Variants in RAD51B observed in about 807,000 individuals in gnomAD.
RAD51B encodes DNA repair protein RAD51 homolog 2.
A neutral mutation model predicts 42.2 loss-of-function variants in RAD51B; 38 were observed. The observed-to-expected ratio is 0.90, with a 90% confidence interval of 0.70 to 1.18. The LOEUF (loss-of-function observed/expected upper bound fraction) is 1.18, where lower values mean the gene tolerates loss of function less well. RAD51B is among the 50% of genes most tolerant of loss of function. The pLI is 0.00. For missense variants in RAD51B, 373 were observed against 400.7 expected, an observed-to-expected ratio of 0.93 and a Z score of 0.59; for synonymous variants, 154 against 145.2, an observed-to-expected ratio of 1.06 and a Z score of -0.43.
chr14:68,503,963 G>A (rs147422851), intron 10 of RAD51B, among the ~76,000 whole-genome samples: 1 of 152,196 alleles, frequency 6.6e-6, no homozygotes, highest in African/African-American at 2.4e-5. Context: ...AAACAGAGTC[G>A]GTAGATAATA....
At chr14:68,146,244 G>GT (rs1436579921) in intron 7 of RAD51B, among the ~76,000 whole-genome samples, 1 of 152,174 alleles carries the variant, frequency 6.6e-6, no homozygotes, top group African/African-American at 2.4e-5. Context: ...GAGCTCAGGA[G>GT]TTTGAGACCA....
chr14:68,269,252 T>A (rs2139577834), intron 7 of RAD51B, among the ~76,000 whole-genome samples: 1 of 152,312 alleles, frequency 6.6e-6, no homozygotes, highest in South Asian at 2.1e-4. Context: ...ATAAACCAGA[T>A]CATGTCAGTC....
chr14:68,429,225 G>A (rs2084937398), intron 9 of RAD51B, among the ~76,000 whole-genome samples: 1 of 152,096 alleles, frequency 6.6e-6, no homozygotes, highest in African/African-American at 2.4e-5. Flanking sequence ...ACGTGTACAT[G>A]TGTCTTTATA....
intron 7 of RAD51B, among the ~76,000 whole-genome samples, chr14:68,071,654 T>C (rs1050144434): frequency 3.3e-5 from 5 of 152,108 alleles, no homozygotes; most frequent in African/African-American, 9.7e-5. Flanking sequence ...TGCTGCTGGA[T>C]TGAGTTTACT....
intron 7 of RAD51B, among the ~76,000 whole-genome samples, chr14:67,981,280 A>C (rs2075087834): frequency 6.6e-6 from 1 of 152,252 alleles, no homozygotes; most frequent in Non-Finnish European, 1.5e-5. Context: ...TAAAAATAAA[A>C]GAAAAAAATA....
rs150605178 is a variant in RAD51B at position 68,355,139 on chromosome 14, C to G, written c.854-56285C>G. Among the ~76,000 whole-genome samples the G allele has an allele frequency of 3.4e-3, 520 of 152,310 alleles. 1 individual carries two copies. Among genetic ancestry groups the G allele is most frequent in the African/African-American group, 0.012 (499 of 41,556 alleles). On this transcript the variant is annotated intron_variant, in intron 8 of 10. Transcript: ENST00000471583. ...GAGCTCCCATACTGTAGAGATGGCA[C>G]TCTTGCTTTGGTGGGACTAGTACAG...
At position 68,412,384 on chromosome 14, in the gene RAD51B, A is replaced by AT. The variant is rs1464360932; in HGVS notation, c.957+858dup. ...GCCAGATTTGCCCACCTTGCTAAATATATATCAAATCCAGGCCATTTAGAT... is the reference window on the plus strand; with the variant it reads ...GCCAGATTTGCCCACCTTGCTAAATATTATATCAAATCCAGGCCATTTAGAT... On this transcript the variant is annotated intron_variant, in intron 9 of 10. Transcript: ENST00000471583. Among the ~76,000 whole-genome samples, 10 of 152,344 alleles carry AT rather than the reference A, an allele frequency of 6.6e-5. No homozygotes were observed. In the East Asian group the frequency reaches 1.7e-3, roughly 26 times the overall value.
intron 10 of RAD51B, chr14:68,650,667 A>G (rs2140138318): frequency 1.6e-6 from 1 of 630,362 alleles, no homozygotes. Context: ...ATTCAAAACA[A>G]CTAGTTTCTC....
At chr14:67,964,609 G>GT (rs1410110340) in intron 7 of RAD51B, among the ~76,000 whole-genome samples, 1 of 152,102 alleles carries the variant, frequency 6.6e-6, no homozygotes, top group Non-Finnish European at 1.5e-5. Flanking sequence ...CAGCAGTGAG[G>GT]TTTTTTCTTT....
At chr14:68,070,865 C>T (rs1360995826) in intron 7 of RAD51B, among the ~76,000 whole-genome samples, 2 of 151,230 alleles carry the variant, frequency 1.3e-5, no homozygotes, top group African/African-American at 2.4e-5. Context: ...CTGTGTATTG[C>T]TTTTGGCAAT....
At chr14:68,436,219 G>T (rs1420130322) in intron 9 of RAD51B, among the ~76,000 whole-genome samples, 2 of 152,152 alleles carry the variant, frequency 1.3e-5, no homozygotes, top group African/African-American at 4.8e-5. Flanking sequence ...TAGGGGTCTA[G>T]TTTTATTCTT....
At chr14:68,005,050 T>G (rs2075560334) in intron 7 of RAD51B, among the ~76,000 whole-genome samples, 1 of 131,256 alleles carries the variant, frequency 7.6e-6, no homozygotes, top group South Asian at 2.7e-4. Context: ...TGTGTGTTTT[T>G]TTTTTTTTTT....
intron 7 of RAD51B, among the ~76,000 whole-genome samples, chr14:68,047,044 CT>C (rs961389135): frequency 6.6e-6 from 1 of 151,018 alleles, no homozygotes; most frequent in African/African-American, 2.4e-5. Context: ...CTGCTGGAGA[CT>C]TTTACTATAA....
At chr14:68,636,847 G>C (rs1233123620) in intron 10 of RAD51B, among the ~76,000 whole-genome samples, 1 of 152,174 alleles carries the variant, frequency 6.6e-6, no homozygotes, top group East Asian at 1.9e-4. Context: ...GAGGACGGCG[G>C]CCCCAAGCAA....
At chr14:68,561,178 C>T (rs1566937959) in intron 10 of RAD51B, among the ~76,000 whole-genome samples, 1 of 152,214 alleles carries the variant, frequency 6.6e-6, no homozygotes, top group African/African-American at 2.4e-5. Flanking sequence ...AAATACACAA[C>T]AAGCTCTTCG....
At chr14:67,837,171 G>A (rs907236655) in intron 4 of RAD51B, among the ~76,000 whole-genome samples, 15 of 150,434 alleles carry the variant, frequency 1.0e-4, no homozygotes, top group East Asian at 9.8e-4. Flanking sequence ...ACACACACAC[G>A]CACACACACA....
intron 8 of RAD51B, among the ~76,000 whole-genome samples, chr14:68,333,142 G>A (rs1956525): frequency 0.56 from 85,617 of 152,024 alleles, 24,993 homozygotes; most frequent in South Asian, 0.66. Context: ...GCAGAGTGGT[G>A]TCCCCTTGAC....
chr14:68,243,728 A>G (rs1422644594), intron 7 of RAD51B, among the ~76,000 whole-genome samples: 1 of 152,154 alleles, frequency 6.6e-6, no homozygotes, highest in African/African-American at 2.4e-5. Context: ...TTATCCTGGG[A>G]TATCTTTGAG....
chr14:68,270,855 G>A (rs975821089), intron 7 of RAD51B, among the ~76,000 whole-genome samples: 1 of 152,034 alleles, frequency 6.6e-6, no homozygotes. Flanking sequence ...GCAAGTTAGG[G>A]GATAAAGCCC....
Sources: allele counts gnomAD v4.1 joint callset (sites outside exome capture counted in the v4.1 genomes callset), GRCh38; gene constraint gnomAD v4.1.1; transcripts MANE v1.5; gene names NCBI Gene and HGNC (gene_info 2026-07-23, HGNC 2026-07-21).